Variants in APBB1IP observed in about 807,000 individuals in gnomAD.
The protein encoded by APBB1IP is amyloid beta precursor protein binding family B member 1 interacting protein, also known as amyloid beta A4 precursor protein-binding family B member 1-interacting protein.
A neutral mutation model predicts 64.9 loss-of-function variants in APBB1IP; 27 were observed. The ratio of observed to expected loss-of-function variants is 0.42; its 90% CI spans 0.31 to 0.57. The LOEUF is 0.57. APBB1IP is among the 20% of genes least tolerant of loss of function. APBB1IP has a pLI of 0.20. For synonymous variants in APBB1IP, 392 were observed against 331.0 expected (o/e 1.18, Z -2.00); for missense variants, 812 against 845.5 (o/e 0.96, Z 0.49).
chr10:26,444,474 G>A (rs921845250), intron 2 of APBB1IP, among the ~76,000 whole-genome samples: 18 of 152,274 alleles, frequency 1.2e-4, no homozygotes, highest in South Asian at 2.1e-4. Context: ...TGGATTCTGC[G>A]TATATTTTGA....
intron 9 of APBB1IP, 37 bp from the exon 10 acceptor site, chr10:26,536,037 T>C (rs1588609492): frequency 6.5e-7 from 1 of 1,540,184 alleles, no homozygotes; most frequent in Non-Finnish European, 8.7e-7. Context: ...GCTTTATCTT[T>C]CGTGTGTGTC....
intron 6 of APBB1IP, among the ~76,000 whole-genome samples, chr10:26,503,752 C>T (rs1213689665): frequency 6.6e-6 from 1 of 152,200 alleles, no homozygotes; most frequent in African/African-American, 2.4e-5. Flanking sequence ...CTTTCTATAA[C>T]ATCAGTTAGC....
intron 8 of APBB1IP, among the ~76,000 whole-genome samples, chr10:26,529,082 C>G (rs1836515410): frequency 6.6e-6 from 1 of 152,220 alleles, no homozygotes; most frequent in African/African-American, 2.4e-5. Flanking sequence ...ATCCAGCTGT[C>G]CCCAAATGTT....
At chr10:26,522,083 T>C (rs1020317647) in intron 8 of APBB1IP, among the ~76,000 whole-genome samples, 1 of 152,218 alleles carries the variant, frequency 6.6e-6, no homozygotes. Context: ...GAATGCCATG[T>C]CCAACATATT....
At position 26,453,723 on chromosome 10, in the gene APBB1IP, G is replaced by GA. The variant is rs1470586990; in HGVS notation, c.-1+14870_-1+14871insA. ...TGGCAGATACTGGCCAATAAGCACA[G>GA]GAAAAAAATGCTCAACGTCACTAGT... On this transcript the variant is annotated intron_variant, in intron 2 of 14. Transcript: ENST00000376236. Among the ~76,000 whole-genome samples the GA allele has an allele frequency of 1.2e-4, 18 of 151,880 alleles. No individual in the cohort carries two copies. In the Middle Eastern group the frequency reaches 0.01, roughly 86 times the overall value.
At position 26,560,208 on chromosome 10, in the gene APBB1IP, G is replaced by A; in HGVS notation, c.1254+5G>A. ...ATGGGAATACGGATAGCCAAGGTGA[G>A]AGAGCGTTCGGACTTCACCCTGTCT... On this transcript the variant is annotated splice_donor_5th_base_variant and intron_variant, in intron 12 of 14. Coordinates refer to ENST00000376236, the MANE Select transcript of APBB1IP (RefSeq NM_019043.4). The A allele has an allele frequency of 6.2e-7, 1 of 1,613,182 alleles. No homozygotes were observed. The highest frequency in any genetic ancestry group is 8.5e-7 in the Non-Finnish European group (1 of 1,179,166).
At chr10:26,508,050 G>A (rs933853576) in intron 6 of APBB1IP, among the ~76,000 whole-genome samples, 8 of 152,186 alleles carry the variant, frequency 5.3e-5, no homozygotes, top group Non-Finnish European at 1.0e-4. Context: ...GACAAGTTAT[G>A]TATTTGCTCT....
At chr10:26,446,041 T>A (rs530949980) in intron 2 of APBB1IP, among the ~76,000 whole-genome samples, 1 of 152,156 alleles carries the variant, frequency 6.6e-6, no homozygotes, top group African/African-American at 2.4e-5. Context: ...CTTTCAAGTG[T>A]GTTTGTAGGA....
chr10:26,445,891 A>G (rs1445149748), intron 2 of APBB1IP, among the ~76,000 whole-genome samples: 11,635 of 152,248 alleles, frequency 0.076, 1,432 homozygotes, highest in African/African-American at 0.26. Flanking sequence ...TGATCGAGAT[A>G]AGTGACATTT....
intron 8 of APBB1IP, among the ~76,000 whole-genome samples, chr10:26,532,002 G>C (rs1222328784): frequency 2.0e-5 from 3 of 152,142 alleles, no homozygotes; most frequent in Non-Finnish European, 4.4e-5. Flanking sequence ...AAAATCATCT[G>C]GAAAGCATAT....
chr10:26,543,718 G>A (rs1836726716), intron 11 of APBB1IP, among the ~76,000 whole-genome samples: 1 of 152,146 alleles, frequency 6.6e-6, no homozygotes, highest in South Asian at 2.1e-4. Flanking sequence ...GCAATATGAG[G>A]TAGGGCTGGG....
chr10:26,467,885 C>T (rs938557354), intron 2 of APBB1IP, among the ~76,000 whole-genome samples: 4 of 152,180 alleles, frequency 2.6e-5, no homozygotes, highest in African/African-American at 7.2e-5. Context: ...TTAAGTGTCT[C>T]GTAATCGCTT....
At chr10:26,464,031 G>A (rs541672150) in intron 2 of APBB1IP, among the ~76,000 whole-genome samples, 13 of 152,218 alleles carry the variant, frequency 8.5e-5, no homozygotes, top group Admixed American at 5.2e-4. Flanking sequence ...GGTTGTCCCT[G>A]GATTCCCATC....
At chr10:26,462,564 T>C (rs1835605344) in intron 2 of APBB1IP, among the ~76,000 whole-genome samples, 2 of 152,172 alleles carry the variant, frequency 1.3e-5, no homozygotes, top group South Asian at 4.1e-4. Context: ...CACTGGTGAG[T>C]TGTTCTTGTA....
chr10:26,559,203 G>A (rs1004578590), intron 11 of APBB1IP, among the ~76,000 whole-genome samples: 4 of 152,188 alleles, frequency 2.6e-5, no homozygotes, highest in Non-Finnish European at 5.9e-5. Context: ...ATAGAGACAA[G>A]ATAGAGGTGA....
In APBB1IP at chr10:26,492,360, T is replaced by C; in HGVS notation, c.34T>C (p.Phe12Leu). 1 of 1,614,038 alleles carries C rather than the reference T, an allele frequency of 6.2e-7. No homozygotes were observed. The highest frequency in any genetic ancestry group is 8.5e-7 in the Non-Finnish European group (1 of 1,179,948). Residue 12 changes from phenylalanine to leucine, a missense_variant, in exon 3 of 15, where the codon TTC (phenylalanine) becomes CTC (leucine). Physicochemically the swap from Phe to Leu is conservative, Grantham distance 22. This residue lies in a region of APBB1IP where 394 missense variants were observed against 413.1 expected (regional missense o/e 0.95). Coordinates refer to ENST00000376236, the MANE Select transcript of APBB1IP (RefSeq NM_019043.4). ...GTCAAGTGAAGACATAGACCAAATG[T>C]TCAGCACTTTGCTGGGAGAGATGGA... is the stretch of plus-strand genomic sequence containing the variant. Reference protein sequence around the residue: ...GESSEDIDQMFSTLLGEMDLL... With the variant: ...GESSEDIDQMLSTLLGEMDLL...
intron 2 of APBB1IP, among the ~76,000 whole-genome samples, chr10:26,481,933 A>G (rs1835839844): frequency 6.6e-6 from 1 of 151,976 alleles, no homozygotes; most frequent in Non-Finnish European, 1.5e-5. Flanking sequence ...TTACTGAAAT[A>G]AATCATTTCA....
intron 2 of APBB1IP, among the ~76,000 whole-genome samples, chr10:26,443,447 C>A (rs1346275067): frequency 1.1e-4 from 15 of 137,646 alleles, no homozygotes; most frequent in South Asian, 2.3e-4. Flanking sequence ...AACTCCATCT[C>A]AAAAAAAAAA....
rs142313814 is a variant in APBB1IP at position 26,447,828 on chromosome 10, G to A, written c.-1+8975G>A. 3.7e-3 allele frequency among the ~76,000 whole-genome samples: 556 copies of A among 152,126 alleles called. 1 individual carries two copies. The highest frequency in any genetic ancestry group is 0.013 in the African/African-American group (532 of 41,518). On this transcript the variant is annotated intron_variant, in intron 2 of 14. Transcript: ENST00000376236. ...CCATTTTTTTATTTTTTTGAGAAACGAGGCACTATATTGCCCTGGCTGGTC... is the reference window on the plus strand; with the variant it reads ...CCATTTTTTTATTTTTTTGAGAAACAAGGCACTATATTGCCCTGGCTGGTC...
Sources: allele counts gnomAD v4.1 joint callset (sites outside exome capture counted in the v4.1 genomes callset), GRCh38; gene constraint gnomAD v4.1.1; regional missense constraint gnomAD v4.1.1; transcripts MANE v1.5; gene names NCBI Gene and HGNC (gene_info 2026-07-23, HGNC 2026-07-21).